Variants in USP39 observed in about 807,000 individuals in gnomAD.
USP39 encodes ubiquitin specific peptidase 39.
In USP39, 38 loss-of-function variants were observed where a neutral mutation model predicts 66.4. That is an observed-to-expected ratio of 0.57 (90% CI 0.44 to 0.75). The LOEUF is 0.75. USP39 is among the 30% of genes least tolerant of loss of function. USP39 has a pLI of 0.00. For synonymous variants in USP39, 303 were observed against 274.6 expected, an observed-to-expected ratio of 1.10 and a Z score of -1.02; for missense variants, 608 against 714.4, an observed-to-expected ratio of 0.85 and a Z score of 1.70.
chr2:85,614,692 T>C (rs989257955), upstream of USP39, among the ~76,000 whole-genome samples: 5 of 152,206 alleles, frequency 3.3e-5, no homozygotes, highest in African/African-American at 1.2e-4. Context: ...ATTAATTTTA[T>C]TATTATATTT....
chr2:85,618,503 T>C (rs59209663), intron 1 of USP39, among the ~76,000 whole-genome samples: 2 of 148,098 alleles, frequency 1.4e-5, no homozygotes, highest in Non-Finnish European at 3.0e-5. Flanking sequence ...CGGAGGTTGC[T>C]GTGAGCTGAG....
chr2:85,604,332 C>T (rs1220558745), intron 1 of USP39, among the ~76,000 whole-genome samples: 3 of 152,102 alleles, frequency 2.0e-5, no homozygotes, highest in African/African-American at 7.2e-5. Context: ...GCCTCAGCCT[C>T]CCGAGTAGCT....
intron 10 of USP39, among the ~76,000 whole-genome samples, chr2:85,641,907 TAAAAAAAAAAA>T (rs759697072): frequency 1.1e-5 from 1 of 91,336 alleles, no homozygotes; most frequent in East Asian, 2.8e-4. Context: ...GTGACTGTGC[TAAAAAAAAAAA>T]AAAAAAAAAA....
upstream of USP39, chr2:85,609,596 TGAACCACAGTAAGAAA>T (rs1216454686): frequency 1.2e-6 from 2 of 1,613,846 alleles, no homozygotes; most frequent in Admixed American, 1.7e-5. Flanking sequence ...TCTGGAAGGA[TGAACCACAGTAAGAAA>T]GAAGAGGGGG....
rs376101263 is a variant in USP39, at chr2:85,630,684, A to G, written c.724-37A>G. ...AGAGCTTGGCTCAAGGGGTCCTACA[A>G]AGGGGCTTTGGGTTAATCGGAGTGT... is the stretch of plus-strand genomic sequence containing the variant. On this transcript the variant is annotated intron_variant, in intron 5 of 12. Coordinates refer to ENST00000323701, the MANE Select transcript of USP39 (RefSeq NM_006590.4). The G allele has an allele frequency of 5.8e-5, 93 of 1,599,882 alleles. No individual in the cohort carries two copies. In the African/African-American group the frequency reaches 1.0e-3, roughly 18 times the overall value.
At chr2:85,609,398 AG>A, upstream of USP39, 3 of 1,608,524 alleles carry the variant, frequency 1.9e-6, no homozygotes, top group Non-Finnish European at 2.6e-6. Context: ...ACCATGGCCC[AG>A]GACCTTCAGG....
rs1035625944 is a variant in USP39 at position 85,616,298 on chromosome 2, G to A, written c.103G>A (p.Glu35Lys). 6.3e-7 allele frequency: 1 copy of A among 1,576,250 alleles called. No homozygotes were observed. The highest frequency in any genetic ancestry group is 8.6e-7 in the Non-Finnish European group (1 of 1,159,664). The change falls in exon 1 of 13, where the codon GAG becomes AAG. Residue 35 changes from glutamate to lysine, a missense_variant. Glu to Lys is a moderately conservative substitution (Grantham distance 56, BLOSUM62 1). This residue lies in a region of USP39 where 207 missense variants were observed against 145.7 expected (regional missense o/e 1.42). Coordinates refer to ENST00000323701, the MANE Select transcript of USP39 (RefSeq NM_006590.4). ...SGRVKRERDREREPEAASSRG... is the reference protein window; with the variant it reads ...SGRVKRERDRKREPEAASSRG... ...TCGCGTCAAGCGGGAGCGAGATCGG[G>A]AGCGGGAGCCTGAGGCGGCGAGCTC... is the stretch of plus-strand genomic sequence containing the variant.
chr2:85,645,459 T>G (rs1436080178), intron 11 of USP39, among the ~76,000 whole-genome samples: 4 of 152,082 alleles, frequency 2.6e-5, no homozygotes, highest in Admixed American at 6.6e-5. Flanking sequence ...AATTTTTGTA[T>G]TTTTAGTAGA....
rs371581754 is a variant in USP39, at chr2:85,648,800, G to C, written c.1690G>C (p.Gly564Arg). ...RRDNDETNQQ[G>R]A ...AGATAATGATGAAACCAACCAGCAGGGGGCTTGAAGGAGGCGTCTAGGGCT... is the reference window on the plus strand; with the variant it reads ...AGATAATGATGAAACCAACCAGCAGCGGGCTTGAAGGAGGCGTCTAGGGCT... The change falls in exon 13 of 13, where the codon GGG becomes CGG. Residue 564 changes from glycine (G) to arginine (R), a missense_variant. Coordinates refer to ENST00000323701, the MANE Select transcript of USP39 (RefSeq NM_006590.4). The C allele has an allele frequency of 8.7e-6, 14 of 1,614,030 alleles. No homozygotes were observed. In the African/African-American group the frequency reaches 1.3e-4, roughly 15 times the overall value.
chr2:85,638,326 T>C (rs1675948521), intron 8 of USP39, among the ~76,000 whole-genome samples: 1 of 151,470 alleles, frequency 6.6e-6, no homozygotes, highest in South Asian at 2.1e-4. Flanking sequence ...TCGGCCCACT[T>C]TCTTTTTTTA....
chr2:85,606,241 T>C (rs903726477), intron 1 of USP39, among the ~76,000 whole-genome samples: 6 of 152,262 alleles, frequency 3.9e-5, no homozygotes, highest in East Asian at 3.8e-4. Context: ...AGCAGCCTGC[T>C]GGGATGTTCC....
At chr2:85,644,729 T>C (rs1420636972) in intron 10 of USP39, among the ~76,000 whole-genome samples, 1 of 152,130 alleles carries the variant, frequency 6.6e-6, no homozygotes, top group Non-Finnish European at 1.5e-5. Flanking sequence ...CATTCTTTTT[T>C]TTTTTTTTAA....
In USP39 at chr2:85,623,802, G is replaced by A. The variant is rs958659700; in HGVS notation, c.570+20G>A. On this transcript the variant is annotated intron_variant, in intron 4 of 12. Coordinates refer to ENST00000323701, the MANE Select transcript of USP39 (RefSeq NM_006590.4). ...ATCACGGTGTGTGTCTAAGAGGGTTGGTTTGGGGTCCATTCTTTAATGAGC... is the reference window on the plus strand; with the variant it reads ...ATCACGGTGTGTGTCTAAGAGGGTTAGTTTGGGGTCCATTCTTTAATGAGC... The A allele has an allele frequency of 6.2e-6, 10 of 1,601,220 alleles. No individual in the cohort carries two copies. Among genetic ancestry groups the A allele is most frequent in the Non-Finnish European group, 8.5e-6 (10 of 1,173,942 alleles).
At chr2:85,612,049 A>G, upstream of USP39, 1 of 1,227,210 alleles carries the variant, frequency 8.1e-7, no homozygotes. Context: ...CCGCCCACAG[A>G]GCTCCGCGCC....
At chr2:85,635,925 C>T (rs1036335821) in intron 6 of USP39, 128 bp from the exon 7 acceptor site, 8 of 821,050 alleles carry the variant, frequency 9.7e-6, no homozygotes, top group Admixed American at 3.6e-5. Context: ...GGAGGATGCA[C>T]GGCAGTTGGG....
At chr2:85,607,528 C>G (rs1673260800), upstream of USP39, 1 of 152,210 alleles carries the variant, frequency 6.6e-6, no homozygotes. Context: ...TCTCACTTAT[C>G]CACCTCACTT....
chr2:85,625,912 G>T (rs564050366), intron 5 of USP39, among the ~76,000 whole-genome samples: 58 of 152,162 alleles, frequency 3.8e-4, no homozygotes, highest in African/African-American at 1.3e-3. Context: ...CAGCTATTTG[G>T]CAGGCTGAGG....
At chr2:85,641,691 C>G (rs111267904) in intron 10 of USP39, among the ~76,000 whole-genome samples, 3,857 of 152,078 alleles carry the variant, frequency 0.025, 179 homozygotes, top group East Asian at 0.23. Context: ...CGCTTGAGCT[C>G]AGGAGTTCAA....
Position 85,625,586 on chromosome 2 carries a change from C to A in USP39, c.618C>A (p.Asp206Glu), listed in dbSNP as rs755397048. 47 of 1,614,036 alleles carry A rather than the reference C, an allele frequency of 2.9e-5. No homozygotes were observed. Among genetic ancestry groups the A allele is most frequent in the Non-Finnish European group, 3.6e-5 (43 of 1,179,994 alleles). The change falls in exon 5 of 13, where the codon GAC becomes GAA. Residue 206 changes from aspartate to glutamate, a missense_variant. Coordinates refer to ENST00000323701, the MANE Select transcript of USP39 (RefSeq NM_006590.4). ...TFTKQQIANLDKQAKLSRAYD... is the reference protein window; with the variant it reads ...TFTKQQIANLEKQAKLSRAYD... ...CAAAGCAGCAAATTGCAAACTTGGA[C>A]AAGCAAGCCAAATTGTCCCGGGCAT...
Sources: allele counts gnomAD v4.1 joint callset (sites outside exome capture counted in the v4.1 genomes callset), GRCh38; gene constraint gnomAD v4.1.1; regional missense constraint gnomAD v4.1.1; transcripts MANE v1.5; gene names NCBI Gene and HGNC (gene_info 2026-07-23, HGNC 2026-07-21).